The following RBFOX1 variants were observed in gnomAD, a reference collection of about 807,000 sequenced individuals.
RBFOX1 encodes the protein RNA binding protein fox-1 homolog 1.
A neutral mutation model predicts 57.7 loss-of-function variants in RBFOX1; 8 were observed. That is an observed-to-expected ratio of 0.14 (90% confidence interval 0.08 to 0.25). RBFOX1 has a LOEUF of 0.25. RBFOX1 is among the 10% of genes least tolerant of loss of function. The pLI, the probability that RBFOX1 is intolerant of heterozygous loss-of-function variation, is 1.00. For synonymous variants in RBFOX1, 326 were observed against 222.4 expected, an observed-to-expected ratio of 1.47 and a Z score of -4.15; for missense variants, 611 against 548.5, an observed-to-expected ratio of 1.11 and a Z score of -1.14.
chr16:7,019,961 C>T (rs1381799334), intron 3 of RBFOX1, among the ~76,000 whole-genome samples: 1 of 151,810 alleles, frequency 6.6e-6, no homozygotes, highest in Non-Finnish European at 1.5e-5. Context: ...AACTATATTC[C>T]CTTTCTTCTG....
At chr16:7,502,887 G>A (rs558483097) in intron 4 of RBFOX1, among the ~76,000 whole-genome samples, 2 of 152,072 alleles carry the variant, frequency 1.3e-5, no homozygotes, top group Admixed American at 6.6e-5. Context: ...GCCAAGTGTG[G>A]TGGCAGGTGC....
chr16:6,335,896 C>T (rs1318048656), intron 2 of RBFOX1, among the ~76,000 whole-genome samples: 1 of 150,364 alleles, frequency 6.7e-6, no homozygotes. Flanking sequence ...GTCCATATGT[C>T]CATCATTGTT....
intron 2 of RBFOX1, among the ~76,000 whole-genome samples, chr16:6,478,728 G>A (rs775626772): frequency 1.3e-5 from 2 of 152,008 alleles, no homozygotes; most frequent in Non-Finnish European, 2.9e-5. Flanking sequence ...AGGCCAAGGA[G>A]AGGGAGCGAG....
At chr16:6,506,993 G>A (rs1056984100) in intron 2 of RBFOX1, among the ~76,000 whole-genome samples, 4 of 152,108 alleles carry the variant, frequency 2.6e-5, no homozygotes, top group Admixed American at 1.3e-4. Context: ...ATGTCAGGCA[G>A]TGAACTTACT....
chr16:7,334,769 T>C (rs368186498), intron 4 of RBFOX1, among the ~76,000 whole-genome samples: 3 of 152,128 alleles, frequency 2.0e-5, no homozygotes, highest in East Asian at 1.9e-4. Context: ...AGCTGAGAAA[T>C]TGGGGAGGCC....
intron 3 of RBFOX1, among the ~76,000 whole-genome samples, chr16:5,848,474 C>T (rs1401158130): frequency 6.6e-6 from 1 of 152,122 alleles, no homozygotes. Flanking sequence ...TCAGGAACTG[C>T]TAAAACTCCA....
At chr16:6,988,925 C>T (rs921391787) in intron 3 of RBFOX1, among the ~76,000 whole-genome samples, 4 of 152,024 alleles carry the variant, frequency 2.6e-5, no homozygotes, top group Non-Finnish European at 5.9e-5. Flanking sequence ...GCGCCCACTA[C>T]CATGCCTGGC....
At chr16:7,101,752 T>C (rs1400655046) in intron 4 of RBFOX1, among the ~76,000 whole-genome samples, 1 of 152,168 alleles carries the variant, frequency 6.6e-6, no homozygotes, top group Non-Finnish European at 1.5e-5. Flanking sequence ...GGTTCTGCTC[T>C]GATGCCTGTC....
chr16:5,752,981 A>T (rs893268355), intron 3 of RBFOX1, among the ~76,000 whole-genome samples: 1 of 152,108 alleles, frequency 6.6e-6, no homozygotes, highest in African/African-American at 2.4e-5. Context: ...GTGAGACCTC[A>T]TCACTCCAAG....
At chr16:6,662,777 T>A (rs536033884) in intron 3 of RBFOX1, among the ~76,000 whole-genome samples, 3 of 151,528 alleles carry the variant, frequency 2.0e-5, no homozygotes, top group Non-Finnish European at 2.9e-5. Flanking sequence ...AGTGTTTTAC[T>A]TTTGCATTAG....
At chr16:6,903,571 G>A (rs868552967) in intron 3 of RBFOX1, among the ~76,000 whole-genome samples, 2 of 152,108 alleles carry the variant, frequency 1.3e-5, no homozygotes, top group African/African-American at 2.4e-5. Context: ...AAGGTGCCCC[G>A]CAATCACTTA....
intron 2 of RBFOX1, among the ~76,000 whole-genome samples, chr16:6,634,539 T>A: frequency 6.7e-6 from 1 of 148,302 alleles, no homozygotes; most frequent in East Asian, 1.9e-4. Context: ...ACTTTTATAT[T>A]TTTTAATTTA....
chr16:6,198,205 A>G (rs948827295), intron 1 of RBFOX1, among the ~76,000 whole-genome samples: 2 of 152,186 alleles, frequency 1.3e-5, no homozygotes, highest in Non-Finnish European at 2.9e-5. Context: ...GATTTTTATC[A>G]TGCTTCAGAC....
intron 4 of RBFOX1, among the ~76,000 whole-genome samples, chr16:7,480,956 A>G (rs1481591619): frequency 2.0e-5 from 3 of 152,100 alleles, no homozygotes; most frequent in Non-Finnish European, 4.4e-5. Flanking sequence ...ACTCAATGCT[A>G]CTGTCTTTTC....
chr16:6,983,731 G>C (rs1403838004), intron 3 of RBFOX1: 1 of 152,446 alleles, frequency 6.6e-6, no homozygotes, highest in Non-Finnish European at 1.5e-5. Flanking sequence ...CTGCTCTTCT[G>C]CTCAGAAGTA....
chr16:6,135,221 T>A (rs2096658053), intron 1 of RBFOX1, among the ~76,000 whole-genome samples: 1 of 152,210 alleles, frequency 6.6e-6, no homozygotes. Flanking sequence ...AAAATATAGA[T>A]GGCATTCCAA....
chr16:6,816,852 C>G (rs895114077), intron 3 of RBFOX1, among the ~76,000 whole-genome samples: 5 of 152,080 alleles, frequency 3.3e-5, no homozygotes, highest in Non-Finnish European at 5.9e-5. Flanking sequence ...TCAAACAGTC[C>G]TCCCACTTCA....
intron 7 of RBFOX1, among the ~76,000 whole-genome samples, chr16:7,590,344 G>T (rs1216752429): frequency 6.6e-6 from 1 of 151,700 alleles, no homozygotes; most frequent in African/African-American, 2.4e-5. Context: ...TTTTGGAAAT[G>T]TATATAACTC....
chr16:7,359,899 G>A (rs1049943500), intron 4 of RBFOX1, among the ~76,000 whole-genome samples: 1 of 151,972 alleles, frequency 6.6e-6, no homozygotes, highest in Non-Finnish European at 1.5e-5. Context: ...CAGGGGAATG[G>A]TGTGAACCCA....
Sources: allele counts gnomAD v4.1 joint callset (sites outside exome capture counted in the v4.1 genomes callset), GRCh38; gene constraint gnomAD v4.1.1; transcripts MANE v1.5; gene names NCBI Gene and HGNC (gene_info 2026-07-23, HGNC 2026-07-21).